Variants in EIF1 observed in about 807,000 individuals in gnomAD.
EIF1 encodes protein translation factor SUI1 homolog.
A neutral mutation model predicts 13.7 loss-of-function variants in EIF1; 4 were observed. That is an observed-to-expected ratio of 0.29 (90% confidence interval 0.14 to 0.67). The LOEUF (loss-of-function observed/expected upper bound fraction) is 0.67, where lower values mean the gene tolerates loss of function less well. EIF1 is among the 30% of genes least tolerant of loss of function. EIF1 has a pLI of 0.77. For synonymous variants in EIF1, 67 were observed against 50.7 expected, an observed-to-expected ratio of 1.32 and a Z score of -1.37; for missense variants, 64 against 138.0, an observed-to-expected ratio of 0.46 and a Z score of 2.69.
At chr17:41,689,561 G>A in intron 1 of EIF1, 1 of 509,756 alleles carries the variant, frequency 2.0e-6, no homozygotes, top group Non-Finnish European at 3.4e-6. Context: ...CGGCTTCCCA[G>A]GGAGGGCGGG....
intron 1 of EIF1, chr17:41,689,452 G>T (rs1394405255): frequency 4.2e-6 from 2 of 474,812 alleles, no homozygotes; most frequent in Non-Finnish European, 7.5e-6. Context: ...CACCAATGGG[G>T]GTGGGAGGCT....
At position 41,690,936 on chromosome 17, in the gene EIF1, A is replaced by G. The variant is rs536516503; in HGVS notation, c.*110A>G. On this transcript the variant is annotated 3_prime_UTR_variant, in exon 4 of 4. Coordinates refer to ENST00000469257, the MANE Select transcript of EIF1 (RefSeq NM_005801.4). ...ACCTCACAGCTTGTATAATGTAACC[A>G]TTTGGGGTCCGCTTTTAACTTGGAC... 8.0e-7 allele frequency: 1 copy of G among 1,257,606 alleles called. No homozygotes were observed. Among genetic ancestry groups the G allele is most frequent in the South Asian group, 1.2e-5 (1 of 82,216 alleles). The allele number at this position is 1,257,606 out of a possible 1,614,324, so 77.9% of individuals were successfully genotyped here. A position where few individuals can be genotyped will look rare whatever the true frequency, so the allele number is the denominator to read the frequency against.
In EIF1 at chr17:41,688,983, A is replaced by G. The variant is rs1910281347; in HGVS notation, c.-56A>G. 2 of 1,580,798 alleles carry G rather than the reference A, an allele frequency of 1.3e-6. No homozygotes were observed. Among genetic ancestry groups the G allele is most frequent in the Non-Finnish European group, 1.7e-6 (2 of 1,166,304 alleles). On this transcript the variant is annotated 5_prime_UTR_variant, in exon 1 of 4. Transcript: ENST00000469257. ...TCCCCCCTGCCCGCCTTCTCCCGCC[A>G]CCGCCGCCGCCGCCTTCCGCAGGCC...
Position 41,692,184 on chromosome 17 carries a change from C to T in EIF1, c.*1358C>T, listed in dbSNP as rs1401624224. ...AATGGGTTGCTTGGAAATCTTGGCG[C>T]CCCCTCAGTAGTAACAGCCTTGGTT... On this transcript the variant is annotated 3_prime_UTR_variant, in exon 4 of 4. Coordinates refer to ENST00000469257, the MANE Select transcript of EIF1 (RefSeq NM_005801.4). 6.6e-6 allele frequency: 1 copy of T among 152,204 alleles called. No homozygotes were observed. Among genetic ancestry groups the T allele is most frequent in the Non-Finnish European group, 1.5e-5 (1 of 68,064 alleles). 9.4% of individuals were successfully genotyped at this position (152,204 alleles called of 1,614,324 possible).
chr17:41,690,252 G>A (rs1910332140), intron 3 of EIF1, 63 bp downstream of exon 3: 2 of 1,425,786 alleles, frequency 1.4e-6, no homozygotes, highest in Admixed American at 1.7e-5. Flanking sequence ...CTGTCTGTTA[G>A]CTTCTGCTGG....
At chr17:41,689,395 C>T in intron 1 of EIF1, 1 of 521,160 alleles carries the variant, frequency 1.9e-6, no homozygotes, top group East Asian at 3.3e-5. Context: ...CCCGTTGTCA[C>T]GGATCCGGAG....
At position 41,690,878 on chromosome 17, in the gene EIF1, A is replaced by G; in HGVS notation, c.*52A>G. 1.3e-6 allele frequency: 2 copies of G among 1,595,396 alleles called. No homozygotes were observed. The highest frequency in any genetic ancestry group is 1.3e-5 in the African/African-American group (1 of 74,544). ...TGAGGATTTCCTTGCAATGAGTAGAATTTCCCTTCTCTCCCTTGTCACAGG... is the reference window on the plus strand; with the variant it reads ...TGAGGATTTCCTTGCAATGAGTAGAGTTTCCCTTCTCTCCCTTGTCACAGG... On this transcript the variant is annotated 3_prime_UTR_variant, in exon 4 of 4. Coordinates refer to ENST00000469257, the MANE Select transcript of EIF1 (RefSeq NM_005801.4).
chr17:41,689,318 C>T lies in EIF1; in HGVS notation c.31+249C>T, dbSNP rs923591150. The T allele has an allele frequency of 1.1e-4, 63 of 589,454 alleles. 1 individual carries two copies. The East Asian group carries it at 1.7e-3, about 16-fold the overall frequency. The allele number at this position is 589,454 out of a possible 1,614,324, so 36.5% of individuals were successfully genotyped here. On this transcript the variant is annotated intron_variant, in intron 1 of 3. Coordinates refer to ENST00000469257, the MANE Select transcript of EIF1 (RefSeq NM_005801.4). Reference sequence around the variant, plus strand: ...GTCTCAGTGGCGCATTTACTAATGGCTCCTGGGCCTCCTCGGGCCACACCC... The same window carrying T: ...GTCTCAGTGGCGCATTTACTAATGGTTCCTGGGCCTCCTCGGGCCACACCC...
intron 1 of EIF1, 94 bp downstream of exon 1, chr17:41,689,163 T>G: frequency 3.5e-6 from 5 of 1,414,556 alleles, no homozygotes; most frequent in Admixed American, 1.7e-5. Context: ...GCTCCGGGCC[T>G]TCGTAAGCTC....
Position 41,692,150 on chromosome 17 carries a change from G to C in EIF1, c.*1324G>C, listed in dbSNP as rs1910398818. On this transcript the variant is annotated 3_prime_UTR_variant, in exon 4 of 4. Coordinates refer to ENST00000469257, the MANE Select transcript of EIF1 (RefSeq NM_005801.4). ...GAGTCATGCTGTGCTGTTAATCAGT[G>C]TCCTGGAGAATGGGTTGCTTGGAAA... 6.6e-6 allele frequency: 1 copy of C among 152,244 alleles called. No homozygotes were observed. The highest frequency in any genetic ancestry group is 2.4e-5 in the African/African-American group (1 of 41,452). 9.4% of individuals were successfully genotyped at this position (152,244 alleles called of 1,614,324 possible).
Position 41,688,919 on chromosome 17 carries a change from A to G in EIF1, c.-120A>G, listed in dbSNP as rs1316696913. On this transcript the variant is annotated 5_prime_UTR_variant, in exon 1 of 4. Coordinates refer to ENST00000469257, the MANE Select transcript of EIF1 (RefSeq NM_005801.4). ...ACTGAGCCGCCGCCGAGGATTCAGCAGCCTCCCCCTTGAGCCCCCTCGCTT... is the reference window on the plus strand; with the variant it reads ...ACTGAGCCGCCGCCGAGGATTCAGCGGCCTCCCCCTTGAGCCCCCTCGCTT... 14 of 995,736 alleles carry G rather than the reference A, an allele frequency of 1.4e-5. No individual in the cohort carries two copies. Among genetic ancestry groups the G allele is most frequent in the Non-Finnish European group, 2.1e-5 (14 of 657,614 alleles). 61.7% of individuals were successfully genotyped at this position (995,736 alleles called of 1,614,324 possible).
intron 1 of EIF1, 142 bp downstream of exon 1, chr17:41,689,211 G>T (rs1910290236): frequency 3.0e-6 from 3 of 991,018 alleles, no homozygotes; most frequent in Non-Finnish European, 4.6e-6. Flanking sequence ...AGGGCAGCGG[G>T]ATCAAGGCCT....
rs11550326 is a variant in EIF1, at chr17:41,688,980, G to T, written c.-59G>T. 7.0e-6 allele frequency: 11 copies of T among 1,577,160 alleles called. No homozygotes were observed. In the Admixed American group the frequency reaches 1.7e-4, roughly 24 times the overall value. ...CGTTCCCCCCTGCCCGCCTTCTCCCGCCACCGCCGCCGCCGCCTTCCGCAG... is the reference window on the plus strand; with the variant it reads ...CGTTCCCCCCTGCCCGCCTTCTCCCTCCACCGCCGCCGCCGCCTTCCGCAG... On this transcript the variant is annotated 5_prime_UTR_variant, in exon 1 of 4. Transcript: ENST00000469257.
rs370943547 is a variant in EIF1 at position 41,689,951 on chromosome 17, C to G, written c.195+10C>G. The stretch of plus-strand genomic sequence containing the variant: ...GAAGGCGTTTAAGAAAGTAGGTCTT[C>G]AGTGAGATTTTGGGAAAGTCATAAT... On this transcript the variant is annotated intron_variant, in intron 2 of 3. Coordinates refer to ENST00000469257, the MANE Select transcript of EIF1 (RefSeq NM_005801.4). 9.3e-6 allele frequency: 15 copies of G among 1,609,796 alleles called. No homozygotes were observed. In the South Asian group the frequency reaches 1.7e-4, roughly 18 times the overall value.
At chr17:41,690,693 TAGC>T in intron 3 of EIF1, 86 bp from the exon 4 acceptor site, 1 of 1,452,370 alleles carries the variant, frequency 6.9e-7, no homozygotes, top group East Asian at 2.3e-5. Flanking sequence ...GGCAGTGTAG[TAGC>T]AGGAAGACAG....
At chr17:41,689,148 C>T (rs1032690087) in intron 1 of EIF1, 79 bp downstream of exon 1, 6 of 1,523,720 alleles carry the variant, frequency 3.9e-6, no homozygotes, top group African/African-American at 1.4e-5. Context: ...GGGAAGTTGC[C>T]AAGCGCTCCG....
Position 41,690,541 on chromosome 17 carries a change from G to T in EIF1, c.298-241G>T, listed in dbSNP as rs542857831. 14 of 572,974 alleles carry T rather than the reference G, an allele frequency of 2.4e-5. No individual in the cohort carries two copies. The African/African-American group carries it at 2.6e-4, about 11-fold the overall frequency. 35.5% of individuals were successfully genotyped at this position (572,974 alleles called of 1,614,324 possible). A position where few individuals can be genotyped will look rare whatever the true frequency, so the allele number is the denominator to read the frequency against. ...AAATACTGTTACATGATCAGCTCTT[G>T]ATATAATTGAAGAGATTTCAGATAC... On this transcript the variant is annotated intron_variant, in intron 3 of 3. Coordinates refer to ENST00000469257, the MANE Select transcript of EIF1 (RefSeq NM_005801.4).
intron 3 of EIF1, 178 bp downstream of exon 3, chr17:41,690,367 C>T: frequency 1.7e-6 from 1 of 585,836 alleles, no homozygotes; most frequent in Admixed American, 3.4e-5. Context: ...GACTTGTCTA[C>T]CTTTGGTTTA....
At position 41,689,648 on chromosome 17, in the gene EIF1, C is replaced by T. The variant is rs958164843; in HGVS notation, c.32-130C>T. 5.0e-5 allele frequency: 46 copies of T among 913,896 alleles called. No individual in the cohort carries two copies. The African/African-American group carries it at 7.1e-4, about 14-fold the overall frequency. The allele number at this position is 913,896 out of a possible 1,614,324, so 56.6% of individuals were successfully genotyped here. On this transcript the variant is annotated intron_variant, in intron 1 of 3. Transcript: ENST00000469257. ...GCTCGGGGAGAGCCAGCAAAGGACA[C>T]ATTCGGCCTGGCCCAAGCCCTGACG...
Sources: allele counts gnomAD v4.1 joint callset, GRCh38; gene constraint gnomAD v4.1.1; transcripts MANE v1.5; gene names NCBI Gene and HGNC (gene_info 2026-07-23, HGNC 2026-07-21).